Variants in LAMA2 observed in about 807,000 individuals in gnomAD.
The protein encoded by LAMA2 is laminin subunit alpha 2, also known as laminin subunit alpha-2.
LAMA2 carries 269 observed loss-of-function variants against 364.8 expected under a neutral mutation model. The ratio of observed to expected loss-of-function variants is 0.74; its 90% CI spans 0.67 to 0.82. LAMA2 has a LOEUF of 0.82. LAMA2 is among the 40% of genes least tolerant of loss of function. LAMA2 has a pLI of 0.00. For missense variants in LAMA2, 3,807 were observed against 3,873.2 expected (o/e 0.98, Z 0.45); for synonymous variants, 1,379 against 1,370.6 (o/e 1.01, Z -0.14).
chr6:129,460,075 T>C (rs1320907813), intron 48 of LAMA2, 125 bp from the exon 49 acceptor site: 3 of 923,354 alleles, frequency 3.2e-6, no homozygotes, highest in Non-Finnish European at 5.3e-6. Flanking sequence ...TATGTACATA[T>C]GCCAAAATAT....
At chr6:129,098,622 A>C (rs1052807600) in intron 4 of LAMA2, among the ~76,000 whole-genome samples, 4 of 152,216 alleles carry the variant, frequency 2.6e-5, no homozygotes, top group Non-Finnish European at 5.9e-5. Context: ...TCTCCAGTAA[A>C]GATCAGAGAA....
chr6:129,220,846 A>G (rs1313305646), intron 12 of LAMA2, among the ~76,000 whole-genome samples: 1 of 152,142 alleles, frequency 6.6e-6, no homozygotes, highest in Non-Finnish European at 1.5e-5. Flanking sequence ...TCAGCTGTGA[A>G]AACTATTATT....
intron 29 of LAMA2, among the ~76,000 whole-genome samples, chr6:129,337,792 A>G (rs932119038): frequency 6.6e-6 from 1 of 152,174 alleles, no homozygotes; most frequent in Non-Finnish European, 1.5e-5. Context: ...ATACTAGCAC[A>G]TACCACTCTT....
intron 4 of LAMA2, among the ~76,000 whole-genome samples, chr6:129,120,650 A>G (rs1776752708): frequency 6.6e-6 from 1 of 152,198 alleles, no homozygotes; most frequent in South Asian, 2.1e-4. Flanking sequence ...CAATGACTTA[A>G]CTTCTGTCTT....
intron 1 of LAMA2, among the ~76,000 whole-genome samples, chr6:129,005,593 A>G (rs1389813149): frequency 1.3e-5 from 2 of 151,776 alleles, no homozygotes; most frequent in Non-Finnish European, 2.9e-5. Context: ...CATGCTTAAC[A>G]CATAAAAATT....
chr6:129,378,017 G>A (rs1264462486), intron 34 of LAMA2, among the ~76,000 whole-genome samples: 1 of 151,660 alleles, frequency 6.6e-6, no homozygotes, highest in East Asian at 1.9e-4. Context: ...TAAAAGAAAA[G>A]GTAATCAAAG....
intron 17 of LAMA2, among the ~76,000 whole-genome samples, chr6:129,276,517 T>C (rs565644780): frequency 6.6e-6 from 1 of 152,096 alleles, no homozygotes; most frequent in Admixed American, 6.6e-5. Flanking sequence ...TGTGGGAGCA[T>C]TTAACGTTAG....
At chr6:129,296,733 A>G (rs945498283) in intron 20 of LAMA2, among the ~76,000 whole-genome samples, 3 of 152,286 alleles carry the variant, frequency 2.0e-5, no homozygotes, top group Admixed American at 2.0e-4. Flanking sequence ...ACAAAGAAGT[A>G]ATTACCGAGA....
chr6:129,170,876 T>G (rs1398333909), intron 9 of LAMA2, among the ~76,000 whole-genome samples: 1 of 149,542 alleles, frequency 6.7e-6, no homozygotes, highest in Non-Finnish European at 1.5e-5. Context: ...GGTGCATATA[T>G]ATTTAGGATA....
At chr6:129,058,968 TG>T in intron 2 of LAMA2, among the ~76,000 whole-genome samples, 1 of 152,336 alleles carries the variant, frequency 6.6e-6, no homozygotes, top group Non-Finnish European at 1.5e-5. Flanking sequence ...CAAAGTCTGT[TG>T]GGCCCACAGA....
intron 1 of LAMA2, among the ~76,000 whole-genome samples, chr6:128,885,904 A>G (rs1314676127): frequency 6.6e-6 from 1 of 152,244 alleles, no homozygotes; most frequent in Non-Finnish European, 1.5e-5. Flanking sequence ...ACGAAATAGA[A>G]TGATGCAATC....
chr6:128,943,286 AG>A (rs2114547891), intron 1 of LAMA2, among the ~76,000 whole-genome samples: 1 of 151,576 alleles, frequency 6.6e-6, no homozygotes, highest in African/African-American at 2.4e-5. Flanking sequence ...AGAGAGAGAG[AG>A]AGAGAGAGAG....
rs560399442 is a variant in LAMA2 at position 128,969,033 on chromosome 6, A to G, written c.113-80885A>G. Reference sequence around the variant, plus strand: ...GTAGGTTCGGTTTCTATAATTTCCAAGCTCTGCAGGAGACCACTACAGCTT... The same window carrying G: ...GTAGGTTCGGTTTCTATAATTTCCAGGCTCTGCAGGAGACCACTACAGCTT... On this transcript the variant is annotated intron_variant, in intron 1 of 64. Coordinates refer to ENST00000421865, the MANE Select transcript of LAMA2 (RefSeq NM_000426.4). Among the ~76,000 whole-genome samples the G allele has an allele frequency of 7.9e-5, 12 of 152,232 alleles. No homozygotes were observed. In the South Asian group the frequency reaches 2.5e-3, roughly 32 times the overall value.
chr6:129,114,471 A>G (rs1164653089), intron 4 of LAMA2, among the ~76,000 whole-genome samples: 1 of 152,082 alleles, frequency 6.6e-6, no homozygotes, highest in Admixed American at 6.6e-5. Flanking sequence ...AACTCACACA[A>G]TTCCCTAAAG....
At chr6:129,431,409 A>C (rs1781586892) in intron 41 of LAMA2, among the ~76,000 whole-genome samples, 1 of 151,892 alleles carries the variant, frequency 6.6e-6, no homozygotes, top group Non-Finnish European at 1.5e-5. Flanking sequence ...AAAAAAAAAA[A>C]AAAAAACTAG....
intron 3 of LAMA2, among the ~76,000 whole-genome samples, chr6:129,091,151 A>C (rs1774801157): frequency 6.6e-6 from 1 of 152,220 alleles, no homozygotes. Context: ...AGGGACATTG[A>C]AAATAAGTCT....
At chr6:129,514,679 GA>G in intron 64 of LAMA2, 84 bp downstream of exon 64, 7 of 1,066,290 alleles carry the variant, frequency 6.6e-6, no homozygotes, top group Non-Finnish European at 1.0e-5. Flanking sequence ...GTGTGTCTAA[GA>G]ATGTGTGCTT....
At chr6:129,147,283 A>C (rs1461721549) in intron 6 of LAMA2, among the ~76,000 whole-genome samples, 1 of 116,912 alleles carries the variant, frequency 8.6e-6, no homozygotes, top group African/African-American at 4.7e-5. Flanking sequence ...TTTTTTTTTC[A>C]AAAAGGCTCC....
intron 1 of LAMA2, among the ~76,000 whole-genome samples, chr6:128,941,480 A>G (rs1325406117): frequency 6.6e-6 from 1 of 152,192 alleles, no homozygotes; most frequent in Non-Finnish European, 1.5e-5. Flanking sequence ...CAATAAACTA[A>G]TCATGATTTT....
Sources: gnomAD v4.1 joint callset for allele counts (sites outside exome capture counted in the v4.1 genomes callset) on GRCh38, gnomAD v4.1.1 for gene constraint, MANE v1.5 for transcripts, NCBI Gene and HGNC (gene_info 2026-07-23, HGNC 2026-07-21) for gene names.